Variants in JARID2 observed in about 807,000 individuals in gnomAD.
JARID2 encodes protein Jumonji.
A neutral mutation model predicts 125.6 loss-of-function variants in JARID2; 21 were observed. The observed-to-expected ratio is 0.17, with a 90% CI of 0.12 to 0.24. The LOEUF (loss-of-function observed/expected upper bound fraction) is 0.24. Ranked by LOEUF, JARID2 falls within the 10% of genes least tolerant of loss-of-function variation. The pLI is 1.00. For missense variants in JARID2, 1,303 were observed against 1,639.6 expected, an observed-to-expected ratio of 0.79 and a Z score of 3.55; for synonymous variants, 736 against 661.6, an observed-to-expected ratio of 1.11 and a Z score of -1.73.
intron 3 of JARID2, among the ~76,000 whole-genome samples, chr6:15,412,654 A>G (rs1480125032): frequency 6.6e-6 from 1 of 152,176 alleles, no homozygotes; most frequent in Non-Finnish European, 1.5e-5. Flanking sequence ...ATAAAATGAT[A>G]ACTTAAAGTC....
intron 3 of JARID2, among the ~76,000 whole-genome samples, chr6:15,433,790 ATAGT>A (rs2127604123): frequency 6.6e-6 from 1 of 152,078 alleles, no homozygotes; most frequent in South Asian, 2.1e-4. Context: ...TTTCTCCCTG[ATAGT>A]TCTTTTCTCT....
At chr6:15,255,864 A>G (rs1759644334) in intron 1 of JARID2, among the ~76,000 whole-genome samples, 1 of 152,220 alleles carries the variant, frequency 6.6e-6, no homozygotes, top group South Asian at 2.1e-4. Context: ...GGACCTAAGT[A>G]ATGAAATGCC....
chr6:15,303,399 C>T (rs1033440623), intron 1 of JARID2, among the ~76,000 whole-genome samples: 19 of 152,240 alleles, frequency 1.2e-4, no homozygotes, highest in African/African-American at 4.6e-4. Context: ...AGTAGCAAGG[C>T]TATGGGCAGT....
chr6:15,385,264 A>G (rs971076411), intron 2 of JARID2, among the ~76,000 whole-genome samples: 1 of 151,940 alleles, frequency 6.6e-6, no homozygotes, highest in South Asian at 2.1e-4. Context: ...TCTGGTATCT[A>G]TGTGACTTGA....
intron 3 of JARID2, among the ~76,000 whole-genome samples, chr6:15,451,757 A>G (rs1239049250): frequency 6.6e-6 from 1 of 152,246 alleles, no homozygotes; most frequent in Non-Finnish European, 1.5e-5. Flanking sequence ...TTCTACACAC[A>G]TGTATACACA....
chr6:15,374,890 A>G (rs907157475), intron 2 of JARID2, among the ~76,000 whole-genome samples: 3 of 152,222 alleles, frequency 2.0e-5, no homozygotes, highest in African/African-American at 7.2e-5. Context: ...GTAGTTTACT[A>G]TTTTATTTCA....
chr6:15,440,736 G>GGA (rs1425877284), intron 3 of JARID2, among the ~76,000 whole-genome samples: 7 of 152,310 alleles, frequency 4.6e-5, no homozygotes, highest in Admixed American at 3.9e-4. Context: ...TTTTTAAGTG[G>GGA]GAGAATGTGC....
At chr6:15,459,436 T>C (rs557630645) in intron 4 of JARID2, among the ~76,000 whole-genome samples, 80 of 151,538 alleles carry the variant, frequency 5.3e-4, no homozygotes, top group African/African-American at 1.7e-3. Flanking sequence ...AAAAAAAGAG[T>C]CTGTATGTGT....
At chr6:15,340,587 A>C (rs1314783500) in intron 1 of JARID2, among the ~76,000 whole-genome samples, 1 of 152,216 alleles carries the variant, frequency 6.6e-6, no homozygotes, top group East Asian at 1.9e-4. Context: ...ATGAGGTGAT[A>C]TATATGAAAC....
At position 15,359,987 on chromosome 6, in the gene JARID2, G is replaced by T; in HGVS notation, c.46-14130G>T. Among the ~76,000 whole-genome samples, 5 of 152,018 alleles carry T rather than the reference G, an allele frequency of 3.3e-5. 1 individual carries two copies. The highest frequency in any genetic ancestry group is 3.3e-4 in the Admixed American group (5 of 15,268). On this transcript the variant is annotated intron_variant, in intron 1 of 17. Transcript: ENST00000341776. ...CAGGCGTGAGCCACCACGTCTGGCC[G>T]ACTGATGAATTTCTAAGTCCTCCAC...
chr6:15,404,479 C>A (rs1461365180), intron 2 of JARID2, among the ~76,000 whole-genome samples: 2 of 151,406 alleles, frequency 1.3e-5, no homozygotes, highest in East Asian at 3.9e-4. Flanking sequence ...CTACCTCAGC[C>A]ATGGGGGCTG....
intron 1 of JARID2, among the ~76,000 whole-genome samples, chr6:15,292,357 A>G (rs1221956786): frequency 2.6e-5 from 4 of 152,058 alleles, no homozygotes; most frequent in South Asian, 2.1e-4. Context: ...CTTTTTTTCC[A>G]TAATAGCAAT....
intron 1 of JARID2, among the ~76,000 whole-genome samples, chr6:15,324,651 GT>G (rs1199393638): frequency 7.8e-4 from 113 of 144,482 alleles, no homozygotes; most frequent in South Asian, 1.7e-3. Flanking sequence ...TGATTTTTGT[GT>G]TTTTTTTTTT....
At chr6:15,416,469 C>G (rs1170625017) in intron 3 of JARID2, among the ~76,000 whole-genome samples, 1 of 152,138 alleles carries the variant, frequency 6.6e-6, no homozygotes, top group African/African-American at 2.4e-5. Flanking sequence ...GCGGATCACT[C>G]GCGGTTAGGA....
chr6:15,410,434 C>T, intron 3 of JARID2, 69 bp downstream of exon 3: 1 of 1,497,136 alleles, frequency 6.7e-7, no homozygotes, highest in South Asian at 1.2e-5. Context: ...CCAGTTTTCA[C>T]CACATGATAA....
intron 1 of JARID2, among the ~76,000 whole-genome samples, chr6:15,373,186 A>T (rs1041019465): frequency 2.0e-5 from 3 of 152,182 alleles, no homozygotes; most frequent in Non-Finnish European, 2.9e-5. Flanking sequence ...TTCTTTAAAC[A>T]TGTATCTCTT....
intron 1 of JARID2, among the ~76,000 whole-genome samples, chr6:15,297,249 C>G (rs967738516): frequency 6.6e-6 from 1 of 152,136 alleles, no homozygotes; most frequent in Non-Finnish European, 1.5e-5. Flanking sequence ...CTCCTGGGTT[C>G]GAGCAGTTCT....
rs747361989 is a variant in JARID2 at position 15,468,730 on chromosome 6, G to A, written c.670+12G>A. ...TCACAACGGGCATGGTAGGTCCACCGTTGAACTTGGATAAGAAAAAATCTA... is the reference window on the plus strand; with the variant it reads ...TCACAACGGGCATGGTAGGTCCACCATTGAACTTGGATAAGAAAAAATCTA... On this transcript the variant is annotated intron_variant, in intron 5 of 17. Coordinates refer to ENST00000341776, the MANE Select transcript of JARID2 (RefSeq NM_004973.4). 1.4e-5 allele frequency: 23 copies of A among 1,598,508 alleles called. No individual in the cohort carries two copies. The South Asian group carries it at 2.2e-4, about 15-fold the overall frequency.
At chr6:15,384,036 T>C (rs1009576975) in intron 2 of JARID2, among the ~76,000 whole-genome samples, 10 of 152,280 alleles carry the variant, frequency 6.6e-5, no homozygotes, top group African/African-American at 2.4e-4. Context: ...CCAGGTAATC[T>C]GCTTGCCTCT....
Sources: allele counts gnomAD v4.1 joint callset (sites outside exome capture counted in the v4.1 genomes callset), GRCh38; gene constraint gnomAD v4.1.1; transcripts MANE v1.5; gene names NCBI Gene and HGNC (gene_info 2026-07-23, HGNC 2026-07-21).